HTN3: variants seen among roughly 807,000 people sequenced by gnomAD.
The protein encoded by HTN3 is histatin 3, also known as histatin-3.
HTN3 carries 15 observed loss-of-function variants against 10.6 expected under a neutral mutation model. The observed-to-expected ratio is 1.42, with a 90% CI of 0.95 to 2.18. The LOEUF (loss-of-function observed/expected upper bound fraction) is 2.18. HTN3 is among the 30% of genes most tolerant of loss of function. The probability of loss-of-function intolerance (pLI) is 0.00; values close to 1 mark genes in which losing one functional copy is unlikely to be tolerated. For synonymous variants in HTN3, 15 were observed against 16.9 expected (o/e 0.89, Z 0.27); for missense variants, 68 against 58.0 (o/e 1.17, Z -0.56).
At chr4:70,029,777 T>TTTG (rs3078684) in intron 1 of HTN3, among the ~76,000 whole-genome samples, 34,667 of 151,902 alleles carry the variant, frequency 0.23, 5,889 homozygotes, top group African/African-American at 0.47. Flanking sequence ...CAGATGAGGC[T>TTTG]TTGAATAATA....
At chr4:70,032,021 GAA>G in intron 3 of HTN3, 22 bp downstream of exon 3, 1 of 1,565,486 alleles carries the variant, frequency 6.4e-7, no homozygotes. Flanking sequence ...TCATTTACTG[GAA>G]AACTTGATAA....
intron 2 of HTN3, among the ~76,000 whole-genome samples, chr4:70,031,703 C>T (rs1169740385): frequency 6.6e-6 from 1 of 152,062 alleles, no homozygotes; most frequent in Non-Finnish European, 1.5e-5. Flanking sequence ...TTTCCACTCT[C>T]TTATTCACCA....
At chr4:70,028,895 A>G (rs1725306346) in intron 1 of HTN3, among the ~76,000 whole-genome samples, 1 of 152,068 alleles carries the variant, frequency 6.6e-6, no homozygotes, top group Non-Finnish European at 1.5e-5. Context: ...ATTCATTATT[A>G]TAAAAATTTA....
chr4:70,030,001 T>C (rs190675871), intron 1 of HTN3, among the ~76,000 whole-genome samples: 46 of 152,336 alleles, frequency 3.0e-4, no homozygotes, highest in Non-Finnish European at 5.7e-4. Flanking sequence ...GCCATTCTAC[T>C]TTCTAAATAT....
chr4:70,035,897 T>C (rs1231217640), intron 5 of HTN3, among the ~76,000 whole-genome samples: 1 of 152,186 alleles, frequency 6.6e-6, no homozygotes, highest in African/African-American at 2.4e-5. Flanking sequence ...ATCTTGATCC[T>C]CCAGGTGTTA....
intron 1 of HTN3, 102 bp from the exon 2 acceptor site, chr4:70,030,626 G>A (rs1725361622): frequency 4.9e-6 from 4 of 814,524 alleles, no homozygotes; most frequent in South Asian, 1.5e-5. Flanking sequence ...GGAAAACAGA[G>A]CATGTCTCCC....
At chr4:70,029,511 CTAT>C (rs1222519838) in intron 1 of HTN3, among the ~76,000 whole-genome samples, 2 of 151,794 alleles carry the variant, frequency 1.3e-5, no homozygotes, top group Non-Finnish European at 2.9e-5. Flanking sequence ...CTGTAATGTT[CTAT>C]CACAAGTGAC....
Position 70,032,117 on chromosome 4 carries a change from CT to C in HTN3, c.102+12del. ...TAAAAGAAAATTCCATGTAAGTGTT[CT>C]TCTGATAATGTGCACTCTGAATAAG... is the stretch of plus-strand genomic sequence containing the variant. On this transcript the variant is annotated intron_variant, in intron 4 of 5. Coordinates refer to ENST00000673563, the MANE Select transcript of HTN3 (RefSeq NM_000200.3). The C allele has an allele frequency of 6.7e-7, 1 of 1,484,318 alleles. No individual in the cohort carries two copies. Among genetic ancestry groups the C allele is most frequent in the South Asian group, 1.2e-5 (1 of 85,214 alleles). The allele number at this position is 1,484,318 out of a possible 1,614,324, so 91.9% of individuals were successfully genotyped here.
chr4:70,030,861 C>T (rs1317428183), intron 2 of HTN3, 70 bp downstream of exon 2: 54 of 1,182,826 alleles, frequency 4.6e-5, no homozygotes, highest in Middle Eastern at 1.9e-4. Context: ...TTATTCCTTA[C>T]GTTCTGCCAT....
At chr4:70,031,887 T>C (rs572706552) in intron 2 of HTN3, 92 bp from the exon 3 acceptor site, 2 of 880,054 alleles carry the variant, frequency 2.3e-6, no homozygotes, top group African/African-American at 1.7e-5. Flanking sequence ...CCATTCTATT[T>C]AATCATAAAT....
intron 5 of HTN3, chr4:70,034,060 A>C (rs1456870264): frequency 3.3e-5 from 5 of 152,128 alleles, no homozygotes. Context: ...TTAACTCAAG[A>C]TGGATTGAAA....
At chr4:70,035,325 T>C (rs1725487423) in intron 5 of HTN3, among the ~76,000 whole-genome samples, 1 of 152,200 alleles carries the variant, frequency 6.6e-6, no homozygotes, top group Admixed American at 6.5e-5. Flanking sequence ...AACCTTAATT[T>C]TATAAGAGAC....
Position 70,032,074 on chromosome 4 carries a change from A to C in HTN3, c.73-4A>C. On this transcript the variant is annotated splice_region_variant and splice_polypyrimidine_tract_variant and intron_variant, in intron 3 of 5. Coordinates refer to ENST00000673563, the MANE Select transcript of HTN3 (RefSeq NM_000200.3). Reference sequence around the variant, plus strand: ...ATTTTTAATCTTTTCTTTTTATTTCATAGAGACATCATGGGTATAAAAGAA... The same window carrying C: ...ATTTTTAATCTTTTCTTTTTATTTCCTAGAGACATCATGGGTATAAAAGAA... The C allele has an allele frequency of 6.5e-7, 1 of 1,534,622 alleles. No individual in the cohort carries two copies. Among genetic ancestry groups the C allele is most frequent in the Non-Finnish European group, 9.0e-7 (1 of 1,114,690 alleles).
chr4:70,035,526 C>T (rs1227492607), intron 5 of HTN3, among the ~76,000 whole-genome samples: 4 of 152,042 alleles, frequency 2.6e-5, no homozygotes, highest in African/African-American at 2.4e-5. Flanking sequence ...TGCACAACCG[C>T]CATCTGGGAA....
chr4:70,033,172 G>A lies in HTN3; in HGVS notation c.108G>A (p.Lys36=). Residue 36 remains lysine, a synonymous_variant, in exon 5 of 6, where the codon AAG becomes AAA. Transcript: ENST00000673563. ...CTCCTTTTGTGTGTATGCAGGAAAA[G>A]CATCATTCACATCGAGGCTATAGAT... ...HHGYKRKFHE[K]HHSHRGYRSN... The A allele has an allele frequency of 6.2e-7, 1 of 1,605,632 alleles. No individual in the cohort carries two copies. Among genetic ancestry groups the A allele is most frequent in the Non-Finnish European group, 8.5e-7 (1 of 1,174,040 alleles).
intron 4 of HTN3, among the ~76,000 whole-genome samples, chr4:70,032,487 T>C (rs1299595302): frequency 6.6e-6 from 1 of 152,060 alleles, no homozygotes; most frequent in African/African-American, 2.4e-5. Context: ...GTTTCTATCT[T>C]ATAATATTTG....
chr4:70,030,752 T>G lies in HTN3; in HGVS notation c.12T>G (p.Phe4Leu). The change falls in exon 2 of 6, where the codon TTT becomes TTG. Residue 4 changes from phenylalanine (F) to leucine (L), a missense_variant. Phe to Leu is a conservative substitution (Grantham distance 22). Transcript: ENST00000673563. ...GGACTCAGCCAACTATGAAGTTTTT[T>G]GTTTTTGCTTTAATCTTGGCTCTCA... is the stretch of plus-strand genomic sequence containing the variant. Reference protein sequence around the residue: MKFFVFALILALML... With the variant: MKFLVFALILALML... 1 of 1,612,318 alleles carries G rather than the reference T, an allele frequency of 6.2e-7. No homozygotes were observed. Among genetic ancestry groups the G allele is most frequent in the Non-Finnish European group, 8.5e-7 (1 of 1,178,546 alleles).
chr4:70,035,377 G>A (rs1339927147), intron 5 of HTN3, among the ~76,000 whole-genome samples: 5 of 152,168 alleles, frequency 3.3e-5, no homozygotes, highest in African/African-American at 1.2e-4. Context: ...TATAGAATTT[G>A]TAGGGCTATT....
chr4:70,032,310 A>C (rs17147981), intron 4 of HTN3, among the ~76,000 whole-genome samples: 10,733 of 152,126 alleles, frequency 0.071, 1,290 homozygotes, highest in African/African-American at 0.25. Context: ...AAACTCAATT[A>C]CACTCTGAAT....
Sources: allele counts gnomAD v4.1 joint callset (sites outside exome capture counted in the v4.1 genomes callset), GRCh38; gene constraint gnomAD v4.1.1; transcripts MANE v1.5; gene names NCBI Gene and HGNC (gene_info 2026-07-23, HGNC 2026-07-21).